ZFC3H1: variants seen among roughly 807,000 people sequenced by gnomAD.
The protein encoded by ZFC3H1 is zinc finger C3H1-type containing.
ZFC3H1 carries 71 observed loss-of-function variants against 243.7 expected under a neutral mutation model. The observed-to-expected ratio is 0.29, with a 90% CI of 0.24 to 0.36. The LOEUF (loss-of-function observed/expected upper bound fraction) is 0.36. Ranked by LOEUF, ZFC3H1 falls within the 10% of genes least tolerant of loss-of-function variation. ZFC3H1 has a pLI of 1.00. For synonymous variants in ZFC3H1, 838 were observed against 813.0 expected (o/e 1.03, Z -0.52); for missense variants, 1,966 against 2,317.1 (o/e 0.85, Z 3.11).
At chr12:71,618,278 TA>T (rs35402725) in intron 27 of ZFC3H1, among the ~76,000 whole-genome samples, 41 of 136,688 alleles carry the variant, frequency 3.0e-4, no homozygotes, top group Admixed American at 6.6e-4. Flanking sequence ...AAAATAAAAT[TA>T]AAAAAAAAAA....
intron 9 of ZFC3H1, among the ~76,000 whole-genome samples, chr12:71,636,085 C>T (rs1275732048): frequency 6.6e-6 from 1 of 152,066 alleles, no homozygotes; most frequent in East Asian, 1.9e-4. Flanking sequence ...TTTCTTCCAT[C>T]ATAGTGTAGT....
Position 71,610,504 on chromosome 12 carries a change from T to C in ZFC3H1, c.5894A>G (p.Lys1965Arg). The C allele has an allele frequency of 6.2e-7, 1 of 1,613,686 alleles. No individual in the cohort carries two copies. Among genetic ancestry groups the C allele is most frequent in the South Asian group, 1.1e-5 (1 of 91,064 alleles). Reference protein sequence around the residue: ...KTDNLRKLVSKCQEIGVSLNE... With the variant: ...KTDNLRKLVSRCQEIGVSLNE... Reference sequence around the variant, plus strand: ...TAGGCTGACTCCAATCTCTTGGCACTTGGAAACTAGTTTTCTCAGGTTATC... The same window carrying C: ...TAGGCTGACTCCAATCTCTTGGCACCTGGAAACTAGTTTTCTCAGGTTATC... Residue 1965 changes from lysine (K) to arginine (R), a missense_variant, in exon 35 of 35, where the codon AAG (lysine) becomes AGG (arginine). By Grantham distance (26) the Lys-to-Arg change is conservative (BLOSUM62 2). Around this residue, in one of 4 missense-constraint regions of ZFC3H1, gnomAD observed 1,383 missense variants for 1,723.7 expected, o/e 0.80. Transcript: ENST00000378743.
Position 71,656,702 on chromosome 12 carries a change from A to G in ZFC3H1, c.1015+183T>C, listed in dbSNP as rs191818730. ...CAGAATGTCAGGCAAAAAATAAATA[A>G]ATAAATAAAGACTAAAAGTAAACAA... is the stretch of plus-strand genomic sequence containing the variant. On this transcript the variant is annotated intron_variant, in intron 2 of 34. Coordinates refer to ENST00000378743, the MANE Select transcript of ZFC3H1 (RefSeq NM_144982.5). 41 of 658,402 alleles carry G rather than the reference A, an allele frequency of 6.2e-5. No individual in the cohort carries two copies. In the African/African-American group the frequency reaches 6.5e-4, roughly 10 times the overall value. 40.8% of individuals were successfully genotyped at this position (658,402 alleles called of 1,614,324 possible). A position where few individuals can be genotyped will look rare whatever the true frequency, so the allele number is the denominator to read the frequency against.
At chr12:71,621,367 G>A (rs1266007939) in intron 24 of ZFC3H1, among the ~76,000 whole-genome samples, 1 of 149,966 alleles carries the variant, frequency 6.7e-6, no homozygotes, top group Non-Finnish European at 1.5e-5. Flanking sequence ...GCAGTGGCAC[G>A]ACCTCGGCTC....
Position 71,657,037 on chromosome 12 carries a change from T to G in ZFC3H1, c.863A>C (p.Glu288Ala). The change falls in exon 2 of 35, where the codon GAG (glutamate) becomes GCG (alanine). Residue 288 changes from glutamate to alanine, a missense_variant. Glu to Ala is a moderately radical substitution (Grantham distance 107). Around this residue, in one of 4 missense-constraint regions of ZFC3H1, gnomAD observed 484 missense variants for 449.7 expected, o/e 1.08. Coordinates refer to ENST00000378743, the MANE Select transcript of ZFC3H1 (RefSeq NM_144982.5). ...TKDSSKEVAP[E>A]EKTQVKTFQA... Reference sequence around the variant, plus strand: ...AAAAGTTTTGACTTGTGTTTTCTCCTCAGGAGCTACTTCTTTACTTGAATC... The same window carrying G: ...AAAAGTTTTGACTTGTGTTTTCTCCGCAGGAGCTACTTCTTTACTTGAATC... The G allele has an allele frequency of 6.2e-7, 1 of 1,613,922 alleles. No individual in the cohort carries two copies. The highest frequency in any genetic ancestry group is 8.5e-7 in the Non-Finnish European group (1 of 1,179,926).
At chr12:71,632,844 T>C (rs1880358689) in intron 14 of ZFC3H1, 42 bp downstream of exon 14, 1 of 1,597,304 alleles carries the variant, frequency 6.3e-7, no homozygotes. Context: ...TCATAAAAAC[T>C]TTCTGCTTTC....
chr12:71,642,047 G>T (rs559926961), intron 6 of ZFC3H1, among the ~76,000 whole-genome samples: 1 of 151,960 alleles, frequency 6.6e-6, no homozygotes, highest in Non-Finnish European at 1.5e-5. Context: ...ACAGGGTTTC[G>T]CCATGTCAGC....
At position 71,629,708 on chromosome 12, in the gene ZFC3H1, T is replaced by C; in HGVS notation, c.3727A>G (p.Lys1243Glu). 6.2e-7 allele frequency: 1 copy of C among 1,602,366 alleles called. No individual in the cohort carries two copies. Among genetic ancestry groups the C allele is most frequent in the Non-Finnish European group, 8.5e-7 (1 of 1,170,436 alleles). The change falls in exon 19 of 35, where the codon AAA becomes GAA. Residue 1243 changes from lysine to glutamate, a missense_variant and splice_region_variant. This residue lies in a region of ZFC3H1 where 1,383 missense variants were observed against 1,723.7 expected (regional missense o/e 0.80). Coordinates refer to ENST00000378743, the MANE Select transcript of ZFC3H1 (RefSeq NM_144982.5). The part of the protein sequence containing the change: ...TNEEITASAE[K>E]YVEKLFGVNK... ...ACTCCAAAAAGTTTCTCAACATATT[T>C]TTCTGAAATAAGAGCAATGCAATCT...
chr12:71,647,150 A>T (rs1880749174), intron 3 of ZFC3H1, among the ~76,000 whole-genome samples: 1 of 152,228 alleles, frequency 6.6e-6, no homozygotes, highest in Non-Finnish European at 1.5e-5. Context: ...CTGAAATCTC[A>T]AAAGAAAAAA....
intron 27 of ZFC3H1, among the ~76,000 whole-genome samples, chr12:71,617,316 C>T (rs1053107341): frequency 2.0e-5 from 3 of 152,142 alleles, no homozygotes; most frequent in South Asian, 2.1e-4. Flanking sequence ...AACAGAAATG[C>T]ACAATCTTTG....
At position 71,644,179 on chromosome 12, in the gene ZFC3H1, T is replaced by C; in HGVS notation, c.1419A>G (p.Arg473=). ...CCTGATTTGAGAGATCTCGAATTTT[T>C]CTGATTTCTTCCTCTCTTTTCCTTC... ...EERRKREEEI[R]KIRDLSNQEE... is the part of the protein sequence containing the mutation. Residue 473 remains arginine (R), a synonymous_variant, in exon 5 of 35, where the codon AGA becomes AGG. Coordinates refer to ENST00000378743, the MANE Select transcript of ZFC3H1 (RefSeq NM_144982.5). 1 of 1,613,750 alleles carries C rather than the reference T, an allele frequency of 6.2e-7. No homozygotes were observed. The highest frequency in any genetic ancestry group is 8.5e-7 in the Non-Finnish European group (1 of 1,179,820).
intron 28 of ZFC3H1, 108 bp downstream of exon 28, chr12:71,615,098 C>G: frequency 8.7e-7 from 1 of 1,146,890 alleles, no homozygotes. Context: ...TTCAATTGTG[C>G]TTCAATGACT....
intron 7 of ZFC3H1, 110 bp from the exon 8 acceptor site, chr12:71,637,169 C>G (rs1880485149): frequency 2.1e-6 from 2 of 968,656 alleles, no homozygotes; most frequent in Admixed American, 3.0e-5. Context: ...ATTATTTTAG[C>G]TGTAAATATA....
intron 13 of ZFC3H1, 75 bp downstream of exon 13, chr12:71,633,189 T>C: frequency 6.9e-7 from 1 of 1,452,430 alleles, no homozygotes; most frequent in Non-Finnish European, 9.2e-7. Flanking sequence ...TAGTATACAG[T>C]GGTTTGTCTT....
At position 71,611,116 on chromosome 12, in the gene ZFC3H1, A is replaced by AG. The variant is rs758899964; in HGVS notation, c.5730-20_5730-19insC. The AG allele has an allele frequency of 1.3e-6, 2 of 1,542,126 alleles. No homozygotes were observed. Among genetic ancestry groups the AG allele is most frequent in the Non-Finnish European group, 8.7e-7 (1 of 1,151,452 alleles). ...AATGGCTCTAAGAGAAAAAAAAAAAAAAAGAAATATAGAAAAAGGAAAAGA... is the reference window on the plus strand; with the variant it reads ...AATGGCTCTAAGAGAAAAAAAAAAAAGAAAGAAATATAGAAAAAGGAAAAGA... On this transcript the variant is annotated intron_variant, in intron 32 of 34. Coordinates refer to ENST00000378743, the MANE Select transcript of ZFC3H1 (RefSeq NM_144982.5).
chr12:71,615,043 T>C, intron 28 of ZFC3H1, 105 bp from the exon 29 acceptor site: 3 of 1,193,178 alleles, frequency 2.5e-6, no homozygotes, highest in South Asian at 1.4e-5. Flanking sequence ...ATAGAATCCT[T>C]CTTTTGACCT....
At chr12:71,643,407 C>T (rs1337018764) in intron 5 of ZFC3H1, among the ~76,000 whole-genome samples, 4 of 149,144 alleles carry the variant, frequency 2.7e-5, no homozygotes, top group Admixed American at 6.7e-5. Context: ...AGTAAGACTC[C>T]ATCTCAAAAA....
At chr12:71,610,871 T>C (rs1879750779) in intron 33 of ZFC3H1, 114 bp from the exon 34 acceptor site, 15 of 1,419,408 alleles carry the variant, frequency 1.1e-5, no homozygotes, top group South Asian at 2.5e-5. Flanking sequence ...AAAATGGTTA[T>C]GCTGAGTTTT....
intron 1 of ZFC3H1, among the ~76,000 whole-genome samples, chr12:71,659,031 CTT>C (rs1263549422): frequency 6.6e-6 from 1 of 152,150 alleles, no homozygotes. Context: ...CCGCATCTCC[CTT>C]TGTTTCCCTA....
Sources: gnomAD v4.1 joint callset for allele counts (sites outside exome capture counted in the v4.1 genomes callset) on GRCh38, gnomAD v4.1.1 for gene constraint, gnomAD v4.1.1 regional missense constraint, MANE v1.5 for transcripts, NCBI Gene and HGNC (gene_info 2026-07-23, HGNC 2026-07-21) for gene names.